The following ELAVL2 variants were observed in gnomAD, a reference collection of about 807,000 sequenced individuals.
ELAVL2 encodes ELAV like RNA binding protein 2.
In ELAVL2, 4 loss-of-function variants were observed where a neutral mutation model predicts 34.6. The ratio of observed to expected loss-of-function variants is 0.12; its 90% CI spans 0.06 to 0.26. The LOEUF is 0.26. ELAVL2 is among the 10% of genes least tolerant of loss of function. The probability of loss-of-function intolerance (pLI) is 1.00; values close to 1 mark genes in which losing one functional copy is unlikely to be tolerated. For missense variants in ELAVL2, 432 were observed against 442.8 expected (o/e 0.98, Z 0.22); for synonymous variants, 193 against 154.8 (o/e 1.25, Z -1.83).
intron 1 of ELAVL2, among the ~76,000 whole-genome samples, chr9:23,788,394 T>C (rs1383771663): frequency 6.6e-6 from 1 of 152,134 alleles, no homozygotes; most frequent in Non-Finnish European, 1.5e-5. Flanking sequence ...GATATGGCAG[T>C]CCCCTTTTTA....
At chr9:23,812,185 A>T (rs2063102774) in intron 1 of ELAVL2, among the ~76,000 whole-genome samples, 1 of 152,138 alleles carries the variant, frequency 6.6e-6, no homozygotes, top group South Asian at 2.1e-4. Context: ...AATATGAGGT[A>T]AAGGGCACTT....
intron 1 of ELAVL2, among the ~76,000 whole-genome samples, chr9:23,819,685 G>C (rs1219507315): frequency 6.6e-6 from 1 of 152,130 alleles, no homozygotes; most frequent in African/African-American, 2.4e-5. Context: ...GCAGCACAAA[G>C]TTACCCAAAT....
At chr9:23,788,570 T>C (rs987542535) in intron 1 of ELAVL2, among the ~76,000 whole-genome samples, 1 of 152,218 alleles carries the variant, frequency 6.6e-6, no homozygotes, top group African/African-American at 2.4e-5. Context: ...TAATAAAAGT[T>C]ATGTATATGT....
At chr9:23,832,358 G>C in the ELAVL2 span, 6 of 152,150 alleles carry the variant, frequency 3.9e-5, no homozygotes, top group African/African-American at 1.4e-4. Context: ...AAAAATCCCA[G>C]GTATGTACTC....
chr9:23,789,273 C>T (rs1020107875), intron 1 of ELAVL2, among the ~76,000 whole-genome samples: 2 of 152,146 alleles, frequency 1.3e-5, no homozygotes, highest in African/African-American at 4.8e-5. Flanking sequence ...TAGACGCAGC[C>T]ACAAGAAATG....
intron 5 of ELAVL2, among the ~76,000 whole-genome samples, chr9:23,699,241 C>G (rs2036311178): frequency 6.6e-6 from 1 of 152,114 alleles, no homozygotes. Context: ...CTAGGTAAAC[C>G]TAAGGGCTGA....
intron 3 of ELAVL2, among the ~76,000 whole-genome samples, chr9:23,718,385 T>C (rs961494503): frequency 5.9e-5 from 9 of 152,278 alleles, no homozygotes; most frequent in Middle Eastern, 3.4e-3. Context: ...AATGTATGTA[T>C]ACAGGTATAC....
chr9:23,795,910 A>G lies in ELAVL2; in HGVS notation c.-16+29896T>C, dbSNP rs192057111. ...GACTCCTCTTCACAGCCCGCTCTGCAGCACCACCACCTTCTTACAAACCGG... is the reference window on the plus strand; with the variant it reads ...GACTCCTCTTCACAGCCCGCTCTGCGGCACCACCACCTTCTTACAAACCGG... On this transcript the variant is annotated intron_variant, in intron 1 of 6. Transcript: ENST00000397312. Among the ~76,000 whole-genome samples, 47 of 152,330 alleles carry G rather than the reference A, an allele frequency of 3.1e-4. No homozygotes were observed. The Middle Eastern group carries it at 0.01, about 33-fold the overall frequency.
intron 1 of ELAVL2, among the ~76,000 whole-genome samples, chr9:23,782,262 T>C (rs2059161286): frequency 6.6e-6 from 1 of 152,294 alleles, no homozygotes. Context: ...AAAATCAAAG[T>C]ACATCGTAAG....
At chr9:23,815,004 C>A (rs557955338) in intron 1 of ELAVL2, among the ~76,000 whole-genome samples, 1 of 152,182 alleles carries the variant, frequency 6.6e-6, no homozygotes, top group South Asian at 2.1e-4. Context: ...TGAGCAATTT[C>A]CAATAACTTA....
intron 1 of ELAVL2, chr9:23,821,179 C>G (rs2064617388): frequency 6.6e-6 from 1 of 152,594 alleles, no homozygotes; most frequent in African/African-American, 2.4e-5. Flanking sequence ...GAATCCTGCC[C>G]TTTTTCTAGA....
rs1200975267 is a variant in ELAVL2, at chr9:23,690,856, T to C, written c.*1701A>G. The C allele has an allele frequency of 2.6e-5, 4 of 152,606 alleles. No individual in the cohort carries two copies. Among genetic ancestry groups the C allele is most frequent in the Non-Finnish European group, 5.9e-5 (4 of 68,012 alleles). 9.5% of individuals were successfully genotyped at this position (152,606 alleles called of 1,614,324 possible). A position where few individuals can be genotyped will look rare whatever the true frequency, so the allele number is the denominator to read the frequency against. On this transcript the variant is annotated 3_prime_UTR_variant, in exon 7 of 7. Coordinates refer to ENST00000397312, the MANE Select transcript of ELAVL2 (RefSeq NM_004432.5). ...GCTAGATGCTAATCAGAAAATATTT[T>C]GTATTTTTTAAAATTTCTTTCATAC...
At chr9:23,735,321 G>C (rs894093233) in intron 2 of ELAVL2, 1 of 152,026 alleles carries the variant, frequency 6.6e-6, no homozygotes, top group Admixed American at 6.5e-5. Context: ...CTGTCATCCA[G>C]ACTGGATGGC....
chr9:23,769,288 C>T (rs2056888763), intron 1 of ELAVL2, among the ~76,000 whole-genome samples: 1 of 152,162 alleles, frequency 6.6e-6, no homozygotes, highest in East Asian at 1.9e-4. Context: ...GACAAAAGCA[C>T]TCCAAAATTG....
intron 5 of ELAVL2, among the ~76,000 whole-genome samples, chr9:23,696,401 G>T (rs935712260): frequency 1.3e-5 from 2 of 152,232 alleles, no homozygotes; most frequent in East Asian, 3.9e-4. Flanking sequence ...TCAAACACAA[G>T]GACTACTACA....
rs1194268913 is a variant in ELAVL2 at position 23,824,770 on chromosome 9, G to A, written c.-16+1036C>T. 5.3e-5 allele frequency among the ~76,000 whole-genome samples: 8 copies of A among 152,286 alleles called. No homozygotes were observed. The East Asian group carries it at 1.2e-3, about 22-fold the overall frequency. Reference sequence around the variant, plus strand: ...TCACAAAAGTTAAAATGAAGCGTGTGCCTATCTGCCCAGCTTGTCATCCCC... The same window carrying A: ...TCACAAAAGTTAAAATGAAGCGTGTACCTATCTGCCCAGCTTGTCATCCCC... On this transcript the variant is annotated intron_variant, in intron 1 of 6. Coordinates refer to ENST00000397312, the MANE Select transcript of ELAVL2 (RefSeq NM_004432.5).
chr9:23,817,526 T>C (rs2063883010), intron 1 of ELAVL2, among the ~76,000 whole-genome samples: 1 of 152,204 alleles, frequency 6.6e-6, no homozygotes, highest in Admixed American at 6.5e-5. Flanking sequence ...GCAAAAATAG[T>C]TATTTTTATT....
intron 3 of ELAVL2, among the ~76,000 whole-genome samples, chr9:23,721,515 G>T (rs918146724): frequency 6.6e-6 from 1 of 152,152 alleles, no homozygotes; most frequent in African/African-American, 2.4e-5. Context: ...ACAAATCCAA[G>T]ACTTACACCT....
At chr9:23,801,535 A>G (rs1168083093) in intron 1 of ELAVL2, among the ~76,000 whole-genome samples, 3 of 152,176 alleles carry the variant, frequency 2.0e-5, no homozygotes, top group African/African-American at 4.8e-5. Context: ...CAGAGTATCA[A>G]TGATCTCACC....
Sources: gnomAD v4.1 joint callset for allele counts (sites outside exome capture counted in the v4.1 genomes callset) on GRCh38, gnomAD v4.1.1 for gene constraint, MANE v1.5 for transcripts, NCBI Gene and HGNC (gene_info 2026-07-23, HGNC 2026-07-21) for gene names.